The following ZNF25 variants were observed in gnomAD, a reference collection of about 807,000 sequenced individuals.
ZNF25 encodes zinc finger protein 25 (KOX 19).
In ZNF25, 21 loss-of-function variants were observed where a neutral mutation model predicts 30.9. The observed-to-expected ratio is 0.68, with a 90% CI of 0.48 to 0.98. ZNF25 has a LOEUF of 0.98. Among genes scored for constraint, ZNF25 ranks in the 50% least tolerant of loss-of-function variants. The pLI is 0.00. For synonymous variants in ZNF25, 169 were observed against 181.3 expected (o/e 0.93, Z 0.55); for missense variants, 501 against 529.9 (o/e 0.95, Z 0.54).
In ZNF25 at chr10:37,953,076, G is replaced by A. The variant is rs1259014264; in HGVS notation, c.422C>T (p.Ser141Leu). The change falls in exon 6 of 6, where the codon TCA (serine) becomes TTA (leucine). Residue 141 changes from serine to leucine, a missense_variant. Ser to Leu is a moderately radical substitution (Grantham distance 145). Transcript: ENST00000302609. ...ATCACAGTCATAGGATTTGCCCTTTGAGTGAGTATGCTGATGTACTATGAG... is the reference window on the plus strand; with the variant it reads ...ATCACAGTCATAGGATTTGCCCTTTAAGTGAGTATGCTGATGTACTATGAG... ...SALIVHQHTH[S>L]KGKSYDCDKC... 6.2e-7 allele frequency: 1 copy of A among 1,613,922 alleles called. No individual in the cohort carries two copies. The highest frequency in any genetic ancestry group is 2.2e-5 in the East Asian group (1 of 44,862).
rs533580039 is a variant in ZNF25, at chr10:37,950,924, C to G, written c.*1203G>C. 6.6e-6 allele frequency: 1 copy of G among 152,258 alleles called. No individual in the cohort carries two copies. The highest frequency in any genetic ancestry group is 2.4e-5 in the African/African-American group (1 of 41,548). 9.4% of individuals were successfully genotyped at this position (152,258 alleles called of 1,614,324 possible). ...ATAGCTCTGCTCCCTGCTCACACAT[C>G]AACAGTAAGATACATAATATTTCTT... On this transcript the variant is annotated 3_prime_UTR_variant, in exon 6 of 6. Coordinates refer to ENST00000302609, the MANE Select transcript of ZNF25 (RefSeq NM_145011.4).
chr10:37,960,817 A>C (rs921461452), intron 2 of ZNF25, among the ~76,000 whole-genome samples: 2 of 152,104 alleles, frequency 1.3e-5, no homozygotes, highest in African/African-American at 4.8e-5. Flanking sequence ...ATCCAAATGT[A>C]AAGAGTCCAA....
chr10:37,971,830 AT>A (rs1280929119), intron 1 of ZNF25, 23 bp from the exon 2 acceptor site: 2 of 1,480,336 alleles, frequency 1.4e-6, no homozygotes, highest in Non-Finnish European at 1.9e-6. Flanking sequence ...TCCATACAAC[AT>A]TTTAGTAAAA....
chr10:37,961,757 A>G (rs1317238774), intron 2 of ZNF25, among the ~76,000 whole-genome samples: 2 of 151,072 alleles, frequency 1.3e-5, no homozygotes, highest in African/African-American at 4.9e-5. Flanking sequence ...CCCCGTCTCT[A>G]TTAAAAATAC....
At chr10:37,956,934 AGTGAGAG>A in intron 4 of ZNF25, 79 bp downstream of exon 4, 2 of 947,852 alleles carry the variant, frequency 2.1e-6, no homozygotes, top group Non-Finnish European at 3.2e-6. Flanking sequence ...AAAAAAAAAA[AGTGAGAG>A]ATTGCCGAAA....
chr10:37,971,767 A>T lies in ZNF25; in HGVS notation c.-45T>A, dbSNP rs1409436100. The T allele has an allele frequency of 6.2e-7, 1 of 1,614,088 alleles. No individual in the cohort carries two copies. ...AGGCTGAAAACTGCAAAGCCAGAGCAGAAATCATAAGGGACCTTAGCTGGC... is the reference window on the plus strand; with the variant it reads ...AGGCTGAAAACTGCAAAGCCAGAGCTGAAATCATAAGGGACCTTAGCTGGC... On this transcript the variant is annotated 5_prime_UTR_variant, in exon 2 of 6. Coordinates refer to ENST00000302609, the MANE Select transcript of ZNF25 (RefSeq NM_145011.4).
intron 2 of ZNF25, among the ~76,000 whole-genome samples, chr10:37,970,846 T>A (rs916461781): frequency 2.0e-5 from 3 of 152,140 alleles, no homozygotes; most frequent in South Asian, 4.1e-4. Context: ...CTCTCTCTAA[T>A]TCAGGACTTT....
At chr10:37,962,815 G>T (rs2062963083) in intron 2 of ZNF25, among the ~76,000 whole-genome samples, 1 of 151,980 alleles carries the variant, frequency 6.6e-6, no homozygotes, top group Non-Finnish European at 1.5e-5. Flanking sequence ...TAGATGAAAT[G>T]GATTAATTCT....
chr10:37,959,549 T>C (rs2062729027), intron 2 of ZNF25, among the ~76,000 whole-genome samples: 2 of 152,208 alleles, frequency 1.3e-5, no homozygotes. Context: ...CCATGAAATC[T>C]GAAAGGCAGT....
At chr10:37,966,053 A>C (rs1343554050) in intron 2 of ZNF25, among the ~76,000 whole-genome samples, 1 of 152,148 alleles carries the variant, frequency 6.6e-6, no homozygotes, top group Non-Finnish European at 1.5e-5. Context: ...GGAAAGCAAA[A>C]TGGTACATTA....
chr10:37,972,415 G>A (rs924981640), intron 1 of ZNF25, among the ~76,000 whole-genome samples: 1 of 152,100 alleles, frequency 6.6e-6, no homozygotes, highest in Non-Finnish European at 1.5e-5. Context: ...AAAATGAGTA[G>A]GAATTAGATA....
intron 2 of ZNF25, among the ~76,000 whole-genome samples, chr10:37,967,199 A>T (rs1488558142): frequency 6.6e-6 from 1 of 152,194 alleles, no homozygotes; most frequent in Non-Finnish European, 1.5e-5. Context: ...GGAAAAGATT[A>T]TCCTCCAATT....
intron 1 of ZNF25, among the ~76,000 whole-genome samples, chr10:37,974,908 T>TAC (rs1455397849): frequency 6.6e-6 from 1 of 152,180 alleles, no homozygotes. Context: ...GTGGTATATA[T>TAC]ACACAATGGA....
intron 1 of ZNF25, 80 bp from the exon 2 acceptor site, chr10:37,971,887 G>T: frequency 1.1e-6 from 1 of 903,712 alleles, no homozygotes; most frequent in Non-Finnish European, 1.7e-6. Flanking sequence ...AGAAAGCATA[G>T]TAAGGACCAT....
chr10:37,968,757 T>G (rs569069412), intron 2 of ZNF25, among the ~76,000 whole-genome samples: 6 of 152,162 alleles, frequency 3.9e-5, no homozygotes, highest in Non-Finnish European at 5.9e-5. Flanking sequence ...AACTCACCCT[T>G]GAACAACACA....
chr10:37,975,398 A>C (rs766119281), intron 1 of ZNF25, among the ~76,000 whole-genome samples: 8 of 151,492 alleles, frequency 5.3e-5, no homozygotes, highest in Non-Finnish European at 1.0e-4. Flanking sequence ...AAAAAAAAAA[A>C]CTAAAATAAG....
At chr10:37,964,750 T>C (rs115816206) in intron 2 of ZNF25, among the ~76,000 whole-genome samples, 3,416 of 152,248 alleles carry the variant, frequency 0.022, 115 homozygotes, top group African/African-American at 0.077. Flanking sequence ...CCTGGTCCTG[T>C]GGTACAGAAA....
intron 2 of ZNF25, chr10:37,967,930 A>G (rs570024394): frequency 1.2e-4 from 18 of 152,364 alleles, no homozygotes; most frequent in African/African-American, 4.3e-4. Flanking sequence ...GAATTTGGCA[A>G]TGGATTCTTC....
chr10:37,955,617 G>A (rs1323347400), intron 4 of ZNF25, among the ~76,000 whole-genome samples: 1 of 152,112 alleles, frequency 6.6e-6, no homozygotes, highest in Admixed American at 6.6e-5. Flanking sequence ...GCTTCTACAG[G>A]AGTTAATAAA....
Sources: gnomAD v4.1 joint callset for allele counts (sites outside exome capture counted in the v4.1 genomes callset) on GRCh38, gnomAD v4.1.1 for gene constraint, MANE v1.5 for transcripts, NCBI Gene and HGNC (gene_info 2026-07-23, HGNC 2026-07-21) for gene names.